ZFP3: variants seen among roughly 807,000 people sequenced by gnomAD.
ZFP3 encodes zinc finger protein 3 homolog.
ZFP3 carries 18 observed loss-of-function variants against 36.7 expected under a neutral mutation model. That is an observed-to-expected ratio of 0.49 (90% CI 0.34 to 0.73). The LOEUF (loss-of-function observed/expected upper bound fraction) is 0.73, where lower values mean the gene tolerates loss of function less well. ZFP3 is among the 30% of genes least tolerant of loss of function. The pLI, the probability that ZFP3 is intolerant of heterozygous loss-of-function variation, is 0.01. For synonymous variants in ZFP3, 218 were observed against 199.0 expected, an observed-to-expected ratio of 1.10 and a Z score of -0.81; for missense variants, 495 against 599.0, an observed-to-expected ratio of 0.83 and a Z score of 1.81.
At chr17:5,090,097 C>T (rs1304544163) in intron 1 of ZFP3, among the ~76,000 whole-genome samples, 1 of 152,078 alleles carries the variant, frequency 6.6e-6, no homozygotes, top group Non-Finnish European at 1.5e-5. Context: ...GAAAATCTCA[C>T]TAAATGAAAA....
Position 5,091,523 on chromosome 17 carries a change from G to C in ZFP3, c.19G>C (p.Glu7Gln). The change falls in exon 2 of 2, where the codon GAG (glutamate) becomes CAG (glutamine). Residue 7 changes from glutamate to glutamine, a missense_variant. Physicochemically the swap from Glu to Gln is conservative, Grantham distance 29. Coordinates refer to ENST00000318833, the MANE Select transcript of ZFP3 (RefSeq NM_153018.3). MGTENK[E>Q]VIPKEEISEE... Reference sequence around the variant, plus strand: ...TTGTGAGATGGGGACTGAGAACAAGGAGGTGATTCCCAAGGAAGAAATTTC... The same window carrying C: ...TTGTGAGATGGGGACTGAGAACAAGCAGGTGATTCCCAAGGAAGAAATTTC... The C allele has an allele frequency of 2.5e-6, 4 of 1,614,116 alleles. No homozygotes were observed. The highest frequency in any genetic ancestry group is 3.4e-6 in the Non-Finnish European group (4 of 1,180,004).
At chr17:5,086,525 C>G (rs1033437183) in intron 1 of ZFP3, among the ~76,000 whole-genome samples, 8 of 151,908 alleles carry the variant, frequency 5.3e-5, no homozygotes, top group Non-Finnish European at 1.0e-4. Context: ...GTTCATATCT[C>G]TTCCATCAGA....
Position 5,091,767 on chromosome 17 carries a change from A to G in ZFP3, c.263A>G (p.Asn88Ser). ...CCCTCAAGTGAGAAAGACCGGGAGA[A>G]TAATGAGAGTGAGAGAGGCTGCAGT... ...KSPSSEKDRE[N>S]NESERGCSPS... The change falls in exon 2 of 2, where the codon AAT becomes AGT. Residue 88 changes from asparagine to serine, a missense_variant. Asn to Ser is a conservative substitution (Grantham distance 46). Transcript: ENST00000318833. 6.2e-7 allele frequency: 1 copy of G among 1,614,240 alleles called. No homozygotes were observed. The highest frequency in any genetic ancestry group is 8.5e-7 in the Non-Finnish European group (1 of 1,180,050).
rs2072077730 is a variant in ZFP3 at position 5,078,732 on chromosome 17, G to A, written c.-9+157G>A. On this transcript the variant is annotated intron_variant, in intron 1 of 1. Coordinates refer to ENST00000318833, the MANE Select transcript of ZFP3 (RefSeq NM_153018.3). The surrounding 1 kb of genome is among the most constrained non-coding windows in gnomAD (Gnocchi z 4.5). ...CCTCCCTCCATTCCCCCCGCCCCCAGGCCTTCATTTCCACCTGCACACAGA... is the reference window on the plus strand; with the variant it reads ...CCTCCCTCCATTCCCCCCGCCCCCAAGCCTTCATTTCCACCTGCACACAGA... Among the ~76,000 whole-genome samples the A allele has an allele frequency of 6.6e-6, 1 of 152,192 alleles. No individual in the cohort carries two copies. Among genetic ancestry groups the A allele is most frequent in the Non-Finnish European group, 1.5e-5 (1 of 68,018 alleles).
At chr17:5,086,490 G>A (rs2072121400) in intron 1 of ZFP3, among the ~76,000 whole-genome samples, 1 of 151,824 alleles carries the variant, frequency 6.6e-6, no homozygotes, top group African/African-American at 2.4e-5. Flanking sequence ...CTCTCTGCTG[G>A]ACCTATTCCT....
rs1289921584 is a variant in ZFP3 at position 5,096,163 on chromosome 17, A to G, written c.*3150A>G. 1 of 167,024 alleles carries G rather than the reference A, an allele frequency of 6.0e-6. No homozygotes were observed. The highest frequency in any genetic ancestry group is 1.9e-4 in the East Asian group (1 of 5,200). The allele number at this position is 167,024 out of a possible 1,614,324, so 10.3% of individuals were successfully genotyped here. On this transcript the variant is annotated 3_prime_UTR_variant, in exon 2 of 2. Transcript: ENST00000318833. ...CGTGACTGGTAATGATGATTTGTGCAAATACTATCAAGGAAAGGACATGAA... is the reference window on the plus strand; with the variant it reads ...CGTGACTGGTAATGATGATTTGTGCGAATACTATCAAGGAAAGGACATGAA...
chr17:5,092,854 A>G lies in ZFP3; in HGVS notation c.1350A>G (p.Glu450=). 6.2e-7 allele frequency: 1 copy of G among 1,614,186 alleles called. No homozygotes were observed. Among genetic ancestry groups the G allele is most frequent in the African/African-American group, 1.3e-5 (1 of 75,046 alleles). The stretch of plus-strand genomic sequence containing the variant: ...TTCATATTGGAGAGAAACCTTATGA[A>G]TGTAGCGAGTGTGAGAAAACATTTA... The part of the protein sequence containing the change: ...QKIHIGEKPY[E]CSECEKTFSQ... The change falls in exon 2 of 2, where the codon GAA becomes GAG. Residue 450 remains glutamate, a synonymous_variant. Coordinates refer to ENST00000318833, the MANE Select transcript of ZFP3 (RefSeq NM_153018.3). The surrounding 1 kb of genome is among the most constrained non-coding windows in gnomAD (Gnocchi z 5.0).
rs558646838 is a variant in ZFP3 at position 5,091,644 on chromosome 17, TGGAG to T, written c.144_147del (p.Glu48AspfsTer11). 2 of 1,614,208 alleles carry T rather than the reference TGGAG, an allele frequency of 1.2e-6. No homozygotes were observed. The highest frequency in any genetic ancestry group is 1.7e-6 in the Non-Finnish European group (2 of 1,180,046). ...GGAGCAGGATGTGAAGAAGACATGT[TGGAG>T]GGACATTCGAGAGAGTCCATGGAAG... On this transcript the variant is annotated frameshift_variant, in exon 2 of 2. Coordinates refer to ENST00000318833, the MANE Select transcript of ZFP3 (RefSeq NM_153018.3). LOFTEE classifies it high-confidence loss of function.
At position 5,092,675 on chromosome 17, in the gene ZFP3, A is replaced by G. The variant is rs754251952; in HGVS notation, c.1171A>G (p.Lys391Glu). ...LRHERIHTGE[K>E]PYECFECGKA... ...ACATGAGAGAATTCACACTGGAGAG[A>G]AACCCTATGAATGCTTTGAGTGTGG... is the stretch of plus-strand genomic sequence containing the variant. The change falls in exon 2 of 2, where the codon AAA (lysine) becomes GAA (glutamate). Residue 391 changes from lysine to glutamate, a missense_variant. Lys to Glu is a moderately conservative substitution (Grantham distance 56). Transcript: ENST00000318833. The surrounding 1 kb of genome is among the most constrained non-coding windows in gnomAD (Gnocchi z 5.0). 6.2e-7 allele frequency: 1 copy of G among 1,614,076 alleles called. No individual in the cohort carries two copies. The highest frequency in any genetic ancestry group is 1.3e-5 in the African/African-American group (1 of 74,918).
intron 1 of ZFP3, 69 bp from the exon 2 acceptor site, chr17:5,091,428 T>G: frequency 6.8e-7 from 1 of 1,471,548 alleles, no homozygotes; most frequent in Non-Finnish European, 9.2e-7. Flanking sequence ...CAAAGCTCTG[T>G]TGTCCTCTAG....
At position 5,093,938 on chromosome 17, in the gene ZFP3, C is replaced by G. The variant is rs1029321061; in HGVS notation, c.*925C>G. ...TGTCCACACTTCAGGGGTGCTCAGA[C>G]TGACTGCTCCTAAGAATTCTGCTGC... On this transcript the variant is annotated 3_prime_UTR_variant, in exon 2 of 2. Transcript: ENST00000318833. The G allele has an allele frequency of 1.2e-5, 2 of 167,198 alleles. No individual in the cohort carries two copies. The highest frequency in any genetic ancestry group is 1.9e-4 in the East Asian group (1 of 5,206). The allele number at this position is 167,198 out of a possible 1,614,324, so 10.4% of individuals were successfully genotyped here. A position where few individuals can be genotyped will look rare whatever the true frequency, so the allele number is the denominator to read the frequency against.
intron 1 of ZFP3, among the ~76,000 whole-genome samples, chr17:5,090,295 G>C (rs1408286102): frequency 1.3e-5 from 2 of 152,344 alleles, no homozygotes; most frequent in Admixed American, 1.3e-4. Flanking sequence ...TTTGATATTA[G>C]AGAAGACAAG....
chr17:5,088,428 C>T (rs973516015), intron 1 of ZFP3, among the ~76,000 whole-genome samples: 3 of 151,942 alleles, frequency 2.0e-5, no homozygotes, highest in Non-Finnish European at 4.4e-5. Context: ...GCCTTGATGA[C>T]TGCAGCAGCC....
rs767743935 is a variant in ZFP3, at chr17:5,091,615, G to C, written c.111G>C (p.Glu37Asp). 6.2e-7 allele frequency: 1 copy of C among 1,614,226 alleles called. No individual in the cohort carries two copies. The highest frequency in any genetic ancestry group is 8.5e-7 in the Non-Finnish European group (1 of 1,180,042). Residue 37 changes from glutamate to aspartate, a missense_variant, in exon 2 of 2, where the codon GAG becomes GAC. Physicochemically the swap from Glu to Asp is conservative, Grantham distance 45. Transcript: ENST00000318833. ...KFPKVVYQGH[E>D]FGAGCEEDML... ...CAAAAGTGGTTTACCAAGGTCATGA[G>C]TTTGGAGCAGGATGTGAAGAAGACA...
Position 5,093,165 on chromosome 17 carries a change from A to T in ZFP3, c.*152A>T. On this transcript the variant is annotated 3_prime_UTR_variant, in exon 2 of 2. Coordinates refer to ENST00000318833, the MANE Select transcript of ZFP3 (RefSeq NM_153018.3). ...CTGATTTTAAATAGTTGGTTGAAGA[A>T]GATGAGGCACTTTTTTTTTTTTTTT... The T allele has an allele frequency of 1.2e-6, 1 of 831,334 alleles. No homozygotes were observed. The highest frequency in any genetic ancestry group is 2.0e-5 in the African/African-American group (1 of 50,150). 51.5% of individuals were successfully genotyped at this position (831,334 alleles called of 1,614,324 possible).
At chr17:5,091,084 AT>A (rs926632792) in intron 1 of ZFP3, among the ~76,000 whole-genome samples, 37 of 149,552 alleles carry the variant, frequency 2.5e-4, no homozygotes, top group African/African-American at 7.4e-4. Flanking sequence ...AATATTATGG[AT>A]TTTTTTTTTA....
chr17:5,084,073 C>T (rs1182186634), intron 1 of ZFP3, among the ~76,000 whole-genome samples: 4 of 151,876 alleles, frequency 2.6e-5, no homozygotes, highest in Admixed American at 2.6e-4. Context: ...ACCATGTTGG[C>T]CAGGCTGGTC....
chr17:5,081,464 G>A (rs2072093084), intron 1 of ZFP3, among the ~76,000 whole-genome samples: 1 of 152,106 alleles, frequency 6.6e-6, no homozygotes, highest in Non-Finnish European at 1.5e-5. Context: ...TTGTTGAATG[G>A]AAATCAACTT....
At position 5,080,509 on chromosome 17, in the gene ZFP3, A is replaced by G. The variant is rs536967445; in HGVS notation, c.-9+1934A>G. 2.2e-4 allele frequency among the ~76,000 whole-genome samples: 34 copies of G among 152,296 alleles called. No homozygotes were observed. In the South Asian group the frequency reaches 7.1e-3, roughly 32 times the overall value. ...GTTTGTGTCTCTTTATACATTTGCA[A>G]GTTGACATCCAAAACATTTCCATTT... On this transcript the variant is annotated intron_variant, in intron 1 of 1. Coordinates refer to ENST00000318833, the MANE Select transcript of ZFP3 (RefSeq NM_153018.3).
Sources: gnomAD v4.1 joint callset for allele counts (sites outside exome capture counted in the v4.1 genomes callset) on GRCh38, gnomAD v4.1.1 for gene constraint, Gnocchi (gnomAD v3.1) non-coding constraint, MANE v1.5 for transcripts, NCBI Gene and HGNC (gene_info 2026-07-23, HGNC 2026-07-21) for gene names.